ZNF26: variants seen among roughly 807,000 people sequenced by gnomAD.
The protein encoded by ZNF26 is zinc finger protein 26.
ZNF26 carries 32 observed loss-of-function variants against 54.9 expected under a neutral mutation model. The ratio of observed to expected loss-of-function variants is 0.58; its 90% CI spans 0.44 to 0.78. The LOEUF (loss-of-function observed/expected upper bound fraction) is 0.78. Ranked by LOEUF, ZNF26 falls within the 30% of genes least tolerant of loss-of-function variation. The pLI is 0.00. For missense variants in ZNF26, 524 were observed against 634.0 expected, an observed-to-expected ratio of 0.83 and a Z score of 1.86; for synonymous variants, 221 against 209.2, an observed-to-expected ratio of 1.06 and a Z score of -0.49.
chr12:133,011,290 A>T lies in ZNF26; in HGVS notation c.1411A>T (p.Ile471Leu). The change falls in exon 4 of 4, where the codon ATA (isoleucine) becomes TTA (leucine). Residue 471 changes from isoleucine to leucine, a missense_variant. Coordinates refer to ENST00000328654, the MANE Select transcript of ZNF26 (RefSeq NM_019591.4). ...CTACCCTAGGAAGGCATCACTTCAG[A>T]TACACCAGAAAACTCATTCGGGAGA... The part of the protein sequence containing the change: ...KAYPRKASLQ[I>L]HQKTHSGEKP... 2 of 1,614,064 alleles carry T rather than the reference A, an allele frequency of 1.2e-6. No individual in the cohort carries two copies. Among genetic ancestry groups the T allele is most frequent in the South Asian group, 2.2e-5 (2 of 91,064 alleles).
At position 133,010,342 on chromosome 12, in the gene ZNF26, G is replaced by C. The variant is rs1838023130; in HGVS notation, c.463G>C (p.Gly155Arg). Residue 155 changes from glycine to arginine, a missense_variant, in exon 4 of 4, where the codon GGT becomes CGT. Transcript: ENST00000328654. ...AAGAAAGAATCCTGATAAGTTTCAT[G>C]GTTATGAAGAACCATATTTTCTTAA... The part of the protein sequence containing the change: ...YLRKNPDKFH[G>R]YEEPYFLKHQ... The C allele has an allele frequency of 1.2e-6, 2 of 1,613,654 alleles. No homozygotes were observed. The highest frequency in any genetic ancestry group is 1.7e-6 in the Non-Finnish European group (2 of 1,179,972).
At position 133,017,616 on chromosome 12, in the gene ZNF26, A is replaced by G. The variant is rs1260332452; in HGVS notation, c.*6135A>G. On this transcript the variant is annotated 3_prime_UTR_variant, in exon 4 of 4. Transcript: ENST00000328654. Reference sequence around the variant, plus strand: ...AGTCTGAGGAATGACCCCAGGCAGTAATTTGTTTCCACAGAAAAAACAAAG... The same window carrying G: ...AGTCTGAGGAATGACCCCAGGCAGTGATTTGTTTCCACAGAAAAAACAAAG... 2 of 152,232 alleles carry G rather than the reference A, an allele frequency of 1.3e-5. No individual in the cohort carries two copies. 9.4% of individuals were successfully genotyped at this position (152,232 alleles called of 1,614,324 possible).
chr12:132,995,459 A>T (rs948245994), intron 1 of ZNF26, among the ~76,000 whole-genome samples: 1 of 148,598 alleles, frequency 6.7e-6, no homozygotes, highest in Non-Finnish European at 1.5e-5. Context: ...TATTTTAAAT[A>T]TTTACATAGT....
In ZNF26 at chr12:132,986,563, C is replaced by T. The variant is rs1256285893; in HGVS notation, c.-278C>T. 1 of 554,150 alleles carries T rather than the reference C, an allele frequency of 1.8e-6. No individual in the cohort carries two copies. Among genetic ancestry groups the T allele is most frequent in the African/African-American group, 1.9e-5 (1 of 52,862 alleles). The allele number at this position is 554,150 out of a possible 1,614,324, so 34.3% of individuals were successfully genotyped here. On this transcript the variant is annotated 5_prime_UTR_variant, in exon 1 of 4. Transcript: ENST00000328654. ...CCGTCGGTCCGGGGCGTGGACGGGGCCAGATCAGCCTCCTGCTCTCCCGAG... is the reference window on the plus strand; with the variant it reads ...CCGTCGGTCCGGGGCGTGGACGGGGTCAGATCAGCCTCCTGCTCTCCCGAG...
rs1284648639 is a variant in ZNF26 at position 133,012,461 on chromosome 12, A to G, written c.*980A>G. 6.6e-6 allele frequency: 1 copy of G among 151,758 alleles called. No individual in the cohort carries two copies. Among genetic ancestry groups the G allele is most frequent in the Non-Finnish European group, 1.5e-5 (1 of 68,028 alleles). The allele number at this position is 151,758 out of a possible 1,614,324, so 9.4% of individuals were successfully genotyped here. A position where few individuals can be genotyped will look rare whatever the true frequency, so the allele number is the denominator to read the frequency against. The stretch of plus-strand genomic sequence containing the variant: ...AGAATTCTGTTGAGAACATCCATTC[A>G]TTCTGGCTAATTGATTACAAGAATA... On this transcript the variant is annotated 3_prime_UTR_variant, in exon 4 of 4. Transcript: ENST00000328654.
rs1489014886 is a variant in ZNF26, at chr12:133,011,303, C to T, written c.1424C>T (p.Thr475Ile). Residue 475 changes from threonine to isoleucine, a missense_variant, in exon 4 of 4, where the codon ACT (threonine) becomes ATT (isoleucine). Coordinates refer to ENST00000328654, the MANE Select transcript of ZNF26 (RefSeq NM_019591.4). ...GCATCACTTCAGATACACCAGAAAA[C>T]TCATTCGGGAGAGAAACCTTTTAAA... ...RKASLQIHQK[T>I]HSGEKPFKCS... 35 of 1,613,832 alleles carry T rather than the reference C, an allele frequency of 2.2e-5. No homozygotes were observed. Among genetic ancestry groups the T allele is most frequent in the Non-Finnish European group, 2.9e-5 (34 of 1,179,982 alleles).
At chr12:133,005,064 T>C (rs941135525) in intron 1 of ZNF26, 1 of 152,192 alleles carries the variant, frequency 6.6e-6, no homozygotes, top group East Asian at 1.9e-4. Context: ...GTTTTTCTCA[T>C]GTGAACTCCT....
chr12:132,988,031 C>T (rs1279595410), intron 1 of ZNF26, among the ~76,000 whole-genome samples: 1 of 152,122 alleles, frequency 6.6e-6, no homozygotes, highest in Non-Finnish European at 1.5e-5. Flanking sequence ...TTTTTTGAGA[C>T]GGAGTCTCGC....
chr12:133,009,591 C>CAA (rs201001282), intron 3 of ZNF26, among the ~76,000 whole-genome samples: 2,555 of 142,576 alleles, frequency 0.018, 72 homozygotes, highest in African/African-American at 0.063. Flanking sequence ...GACCCTGTCT[C>CAA]AAAAAAAAAA....
At chr12:132,993,173 C>T (rs1301097508) in intron 1 of ZNF26, among the ~76,000 whole-genome samples, 2 of 151,590 alleles carry the variant, frequency 1.3e-5, no homozygotes, top group African/African-American at 4.8e-5. Context: ...TACAGGTGCG[C>T]ACCACCGTGC....
Position 133,007,169 on chromosome 12 carries a change from G to GTC in ZNF26, c.160+2_160+3insCT. 6.2e-7 allele frequency: 1 copy of GTC among 1,613,788 alleles called. No individual in the cohort carries two copies. The highest frequency in any genetic ancestry group is 1.1e-5 in the South Asian group (1 of 91,046). ...AACTATCATAACCTGATATCAGTGG[G>GTC]TAAGTACTGCGTCTCAATGTTACTC... On this transcript the variant is annotated splice_donor_variant, in intron 2 of 3. Transcript: ENST00000328654. LOFTEE classifies it high-confidence loss of function.
chr12:133,005,046 A>G (rs982473956), intron 1 of ZNF26: 37 of 152,064 alleles, frequency 2.4e-4, no homozygotes, highest in African/African-American at 7.2e-4. Flanking sequence ...TTGTATTTCA[A>G]TTGGTAGGTT....
chr12:132,988,161 AC>A (rs1219926103), intron 1 of ZNF26, among the ~76,000 whole-genome samples: 1 of 151,822 alleles, frequency 6.6e-6, no homozygotes, highest in Admixed American at 6.6e-5. Context: ...GGCACATGCC[AC>A]CCAGTCCGGG....
rs1387545158 is a variant in ZNF26, at chr12:133,011,249, A to G, written c.1370A>G (p.Asn457Ser). Residue 457 changes from asparagine (N) to serine (S), a missense_variant, in exon 4 of 4, where the codon AAT (asparagine) becomes AGT (serine). Asn to Ser is a conservative substitution (Grantham distance 46). Coordinates refer to ENST00000328654, the MANE Select transcript of ZNF26 (RefSeq NM_019591.4). ...TCAACTGAGAAGCCCTATGAATGCAATGAATGTGAAAAAGCCTACCCTAGG... is the reference window on the plus strand; with the variant it reads ...TCAACTGAGAAGCCCTATGAATGCAGTGAATGTGAAAAAGCCTACCCTAGG... Reference protein sequence around the residue: ...THSTEKPYECNECEKAYPRKA... With the variant: ...THSTEKPYECSECEKAYPRKA... The G allele has an allele frequency of 1.8e-5, 29 of 1,613,948 alleles. No homozygotes were observed. The highest frequency in any genetic ancestry group is 2.3e-5 in the Non-Finnish European group (27 of 1,179,998).
Position 133,017,489 on chromosome 12 carries a change from C to G in ZNF26, c.*6008C>G, listed in dbSNP as rs1480944778. On this transcript the variant is annotated 3_prime_UTR_variant, in exon 4 of 4. Coordinates refer to ENST00000328654, the MANE Select transcript of ZNF26 (RefSeq NM_019591.4). Reference sequence around the variant, plus strand: ...ACAGACTTTTATCTGGTAGTGATTCCTCAATAGGGAGTGTACACAGGTCCA... The same window carrying G: ...ACAGACTTTTATCTGGTAGTGATTCGTCAATAGGGAGTGTACACAGGTCCA... 1 of 149,890 alleles carries G rather than the reference C, an allele frequency of 6.7e-6. No individual in the cohort carries two copies. Among genetic ancestry groups the G allele is most frequent in the African/African-American group, 2.5e-5 (1 of 39,300 alleles). 9.3% of individuals were successfully genotyped at this position (149,890 alleles called of 1,614,324 possible). A position where few individuals can be genotyped will look rare whatever the true frequency, so the allele number is the denominator to read the frequency against.
At chr12:132,990,027 A>G (rs1051082664) in intron 1 of ZNF26, among the ~76,000 whole-genome samples, 1 of 152,062 alleles carries the variant, frequency 6.6e-6, no homozygotes, top group Non-Finnish European at 1.5e-5. Context: ...TGTGGCTCAC[A>G]CCTGTAATCA....
Position 133,025,612 on chromosome 12 carries a change from TG to T in ZNF26, c.*14134del, listed in dbSNP as rs140640499. 28,496 of 152,188 alleles carry T rather than the reference TG, an allele frequency of 0.19. 3,421 individuals are homozygous for T. The highest frequency in any genetic ancestry group is 0.27 in the Non-Finnish European group (18,455 of 68,036). 9.4% of individuals were successfully genotyped at this position (152,188 alleles called of 1,614,324 possible). On this transcript the variant is annotated 3_prime_UTR_variant, in exon 4 of 4. Coordinates refer to ENST00000328654, the MANE Select transcript of ZNF26 (RefSeq NM_019591.4). ...GAGGTCGACACCAGCTCCTTGAACC[TG>T]GGTGGACTTGTAATTTGCCTGTAGC...
In ZNF26 at chr12:133,025,077, A is replaced by T. The variant is rs1953685295; in HGVS notation, c.*13596A>T. On this transcript the variant is annotated 3_prime_UTR_variant, in exon 4 of 4. Transcript: ENST00000328654. ...AGAACTAAGATCCAGAGGGTAGAGC[A>T]AAGAGCCATGGAGGAGAAGTCCAAG... is the stretch of plus-strand genomic sequence containing the variant. The T allele has an allele frequency of 6.6e-6, 1 of 152,258 alleles. No individual in the cohort carries two copies. The highest frequency in any genetic ancestry group is 2.4e-5 in the African/African-American group (1 of 41,454). The allele number at this position is 152,258 out of a possible 1,614,324, so 9.4% of individuals were successfully genotyped here.
chr12:133,018,976 A>G lies in ZNF26; in HGVS notation c.*7495A>G, dbSNP rs1053403992. On this transcript the variant is annotated 3_prime_UTR_variant, in exon 4 of 4. Coordinates refer to ENST00000328654, the MANE Select transcript of ZNF26 (RefSeq NM_019591.4). The stretch of plus-strand genomic sequence containing the variant: ...GTGATAAAAAAAAATCCAACCATGT[A>G]CAGAAGACATACATACATACTCAAA... 4 of 152,182 alleles carry G rather than the reference A, an allele frequency of 2.6e-5. No homozygotes were observed. Among genetic ancestry groups the G allele is most frequent in the African/African-American group, 4.8e-5 (2 of 41,454 alleles). 9.4% of individuals were successfully genotyped at this position (152,182 alleles called of 1,614,324 possible). A position where few individuals can be genotyped will look rare whatever the true frequency, so the allele number is the denominator to read the frequency against.
Sources: gnomAD v4.1 joint callset for allele counts (sites outside exome capture counted in the v4.1 genomes callset) on GRCh38, gnomAD v4.1.1 for gene constraint, MANE v1.5 for transcripts, NCBI Gene and HGNC (gene_info 2026-07-23, HGNC 2026-07-21) for gene names.